DNAH14: variants seen among roughly 807,000 people sequenced by gnomAD.
The protein encoded by DNAH14 is axonemal beta dynein heavy chain 14.
Under a neutral mutation model 520.9 loss-of-function variants are expected in DNAH14, and 478 were observed. The ratio of observed to expected loss-of-function variants is 0.92; its 90% CI spans 0.85 to 0.99. DNAH14 has a LOEUF of 0.99. DNAH14 is among the 50% of genes least tolerant of loss of function. The pLI, the probability that DNAH14 is intolerant of heterozygous loss-of-function variation, is 0.00. For missense variants in DNAH14, 4,831 were observed against 5,234.5 expected, an observed-to-expected ratio of 0.92 and a Z score of 2.38; for synonymous variants, 1,581 against 1,757.2, an observed-to-expected ratio of 0.90 and a Z score of 2.51.
chr1:225,343,835 CA>C (rs879573917), intron 69 of DNAH14, among the ~76,000 whole-genome samples: 2 of 151,890 alleles, frequency 1.3e-5, no homozygotes, highest in Non-Finnish European at 2.9e-5. Flanking sequence ...TCTTAGGGAG[CA>C]AAATATCTAA....
intron 41 of DNAH14, among the ~76,000 whole-genome samples, chr1:225,223,269 T>A (rs1283258368): frequency 6.6e-6 from 1 of 152,068 alleles, no homozygotes; most frequent in Non-Finnish European, 1.5e-5. Context: ...TATAAAGAGA[T>A]AAGAAAAAGC....
chr1:225,050,093 C>A lies in DNAH14; in HGVS notation c.1913-117C>A, dbSNP rs533370970. On this transcript the variant is annotated intron_variant, in intron 15 of 85. Coordinates refer to ENST00000682510, the MANE Select transcript of DNAH14 (RefSeq NM_001367479.1). ...TCCAGTTATAAATATAGAATATTGT[C>A]TAACCCTCATAATAAATCAGCCCCC... 14 of 838,130 alleles carry A rather than the reference C, an allele frequency of 1.7e-5. No homozygotes were observed. The South Asian group carries it at 2.7e-4, about 16-fold the overall frequency. 51.9% of individuals were successfully genotyped at this position (838,130 alleles called of 1,614,324 possible).
At position 225,318,667 on chromosome 1, in the gene DNAH14, G is replaced by A. The variant is rs140440496; in HGVS notation, c.9325G>A (p.Ala3109Thr). 4.8e-5 allele frequency: 74 copies of A among 1,547,226 alleles called. No homozygotes were observed. The African/African-American group carries it at 7.4e-4, about 15-fold the overall frequency. The change falls in exon 61 of 86, where the codon GCT (alanine) becomes ACT (threonine). Residue 3109 changes from alanine (A) to threonine (T), a missense_variant. Transcript: ENST00000682510. ...ALNALDKADV[A>T]ELRVYTRPPF... is the part of the protein sequence containing the mutation. ...GAATGCCCTGGATAAAGCTGATGTC[G>A]CTGAATTAAGGTAACTCTCCTAAGT...
intron 25 of DNAH14, among the ~76,000 whole-genome samples, 199 bp from the exon 26 acceptor site, chr1:225,119,021 G>A (rs1331103721): frequency 1.3e-5 from 2 of 151,592 alleles, no homozygotes; most frequent in Non-Finnish European, 2.9e-5. Flanking sequence ...TTTGATATCA[G>A]AATTTCCTAA....
chr1:225,345,456 A>C (rs1460173570), intron 69 of DNAH14, among the ~76,000 whole-genome samples: 3 of 152,260 alleles, frequency 2.0e-5, no homozygotes, highest in South Asian at 4.1e-4. Context: ...TATACTTTCT[A>C]GAGAAGTGCT....
At chr1:225,362,122 T>C (rs2095498796) in intron 75 of DNAH14, among the ~76,000 whole-genome samples, 1 of 152,192 alleles carries the variant, frequency 6.6e-6, no homozygotes, top group Non-Finnish European at 1.5e-5. Flanking sequence ...TTCCAGAGGA[T>C]ACTAAGGTGA....
intron 8 of DNAH14, among the ~76,000 whole-genome samples, chr1:224,987,741 C>T (rs2062742011): frequency 6.6e-6 from 1 of 152,142 alleles, no homozygotes; most frequent in Non-Finnish European, 1.5e-5. Context: ...ATTCCCCTGC[C>T]TCAGCTTCCT....
At chr1:225,024,300 A>C (rs2065930713) in intron 11 of DNAH14, 2 of 965,952 alleles carry the variant, frequency 2.1e-6, no homozygotes, top group Non-Finnish European at 2.5e-6. Context: ...TTGGAATTTG[A>C]GTCAATTCCA....
chr1:225,107,643 A>T (rs1573148411), intron 23 of DNAH14, among the ~76,000 whole-genome samples: 1 of 152,028 alleles, frequency 6.6e-6, no homozygotes, highest in African/African-American at 2.4e-5. Context: ...CAGGACAGGA[A>T]CCCCACCTGC....
At chr1:225,069,411 A>G (rs1158100347) in intron 17 of DNAH14, among the ~76,000 whole-genome samples, 1 of 152,178 alleles carries the variant, frequency 6.6e-6, no homozygotes, top group Non-Finnish European at 1.5e-5. Context: ...AGTTTTTAAC[A>G]TGAAGGATGT....
At chr1:225,110,993 T>C (rs2076431901) in intron 23 of DNAH14, among the ~76,000 whole-genome samples, 1 of 152,130 alleles carries the variant, frequency 6.6e-6, no homozygotes, top group Non-Finnish European at 1.5e-5. Context: ...AGATACTTGG[T>C]ATTATTTCAG....
chr1:225,380,307 T>G lies in DNAH14; in HGVS notation c.12865T>G (p.Ser4289Ala). Residue 4289 changes from serine (S) to alanine (A), a missense_variant, in exon 80 of 86, where the codon TCT becomes GCT. Coordinates refer to ENST00000682510, the MANE Select transcript of DNAH14 (RefSeq NM_001367479.1). ...MMSSSIWESLSKNLKDHDPLI... is the reference protein window; with the variant it reads ...MMSSSIWESLAKNLKDHDPLI... ...GTCAAGCTCCATTTGGGAGTCTCTT[T>G]CTAAAAATCTCAAAGGTGAGCATGG... The G allele has an allele frequency of 6.4e-7, 1 of 1,551,324 alleles. No homozygotes were observed. The highest frequency in any genetic ancestry group is 1.2e-5 in the South Asian group (1 of 83,988).
At chr1:225,270,120 C>T (rs1477868222) in intron 49 of DNAH14, among the ~76,000 whole-genome samples, 4 of 152,112 alleles carry the variant, frequency 2.6e-5, no homozygotes, top group African/African-American at 7.2e-5. Flanking sequence ...GGCACATATA[C>T]ACCATGGAAT....
chr1:225,216,151 A>G (rs2089279727), intron 41 of DNAH14, among the ~76,000 whole-genome samples: 2 of 152,102 alleles, frequency 1.3e-5, no homozygotes, highest in African/African-American at 2.4e-5. Context: ...TCCTTCACTT[A>G]CGAAGCTTAG....
chr1:225,143,336 C>G (rs1395244062), intron 28 of DNAH14, among the ~76,000 whole-genome samples: 1 of 152,136 alleles, frequency 6.6e-6, no homozygotes, highest in Non-Finnish European at 1.5e-5. Context: ...ACTTTTCTCT[C>G]TCTTGTGGAT....
rs2094925902 is a variant in DNAH14 at position 225,335,324 on chromosome 1, TATAC to T, written c.10080+1820_10080+1823del. On this transcript the variant is annotated intron_variant, in intron 66 of 85. Transcript: ENST00000682510. ...ATGTGTACACGTGTGTATATGCACATATACACGTGTGTACATGTGTGTGTATATG... is the reference window on the plus strand; with the variant it reads ...ATGTGTACACGTGTGTATATGCACATACGTGTGTACATGTGTGTGTATATG... 2.6e-5 allele frequency among the ~76,000 whole-genome samples: 3 copies of T among 114,252 alleles called. 1 individual carries two copies. The allele number at this position is 114,252 out of a possible 152,430, so 75.0% of individuals were successfully genotyped here.
intron 77 of DNAH14, among the ~76,000 whole-genome samples, chr1:225,372,550 T>G (rs758550107): frequency 3.9e-5 from 6 of 152,214 alleles, no homozygotes; most frequent in Non-Finnish European, 7.3e-5. Context: ...TTCCTTTATC[T>G]TATATCCTAT....
chr1:225,116,439 G>A (rs1406136339), intron 23 of DNAH14, among the ~76,000 whole-genome samples: 1 of 152,112 alleles, frequency 6.6e-6, no homozygotes, highest in Admixed American at 6.5e-5. Flanking sequence ...AGAAGGTAGA[G>A]CTTGGAGCAT....
At chr1:225,116,115 G>A (rs1026405961) in intron 23 of DNAH14, among the ~76,000 whole-genome samples, 2 of 152,210 alleles carry the variant, frequency 1.3e-5, no homozygotes, top group African/African-American at 4.8e-5. Flanking sequence ...GGAGCCATGA[G>A]CAGGTATGGC....
Sources: allele counts gnomAD v4.1 joint callset (sites outside exome capture counted in the v4.1 genomes callset), GRCh38; gene constraint gnomAD v4.1.1; transcripts MANE v1.5; gene names NCBI Gene and HGNC (gene_info 2026-07-23, HGNC 2026-07-21).